The following DENND5A variants were observed in gnomAD, a reference collection of about 807,000 sequenced individuals.
The protein encoded by DENND5A is DENN domain-containing protein 5A.
Under a neutral mutation model 140.3 loss-of-function variants are expected in DENND5A, and 64 were observed. The observed-to-expected ratio is 0.46, with a 90% CI of 0.37 to 0.56. The LOEUF is 0.56. DENND5A is among the 20% of genes least tolerant of loss of function. DENND5A has a pLI of 0.00. For missense variants in DENND5A, 1,292 were observed against 1,593.8 expected (o/e 0.81, Z 3.22); for synonymous variants, 605 against 607.7 (o/e 1.00, Z 0.07).
chr11:9,161,448 A>G (rs935832125), intron 11 of DENND5A, among the ~76,000 whole-genome samples: 2 of 152,212 alleles, frequency 1.3e-5, no homozygotes, highest in Non-Finnish European at 2.9e-5. Context: ...TTTTGCATTT[A>G]TGCAAGAAAC....
chr11:9,229,050 AGTG>A (rs1433118024), intron 1 of DENND5A, among the ~76,000 whole-genome samples: 1 of 152,174 alleles, frequency 6.6e-6, no homozygotes, highest in Non-Finnish European at 1.5e-5. Flanking sequence ...TGGCATCTGA[AGTG>A]GGGACAGTCT....
intron 1 of DENND5A, among the ~76,000 whole-genome samples, chr11:9,243,199 C>A (rs1851320665): frequency 1.3e-5 from 2 of 151,344 alleles, no homozygotes. Flanking sequence ...GCACCACACT[C>A]ATAACTAACT....
At chr11:9,262,151 T>C (rs1177236272) in intron 1 of DENND5A, among the ~76,000 whole-genome samples, 2 of 152,174 alleles carry the variant, frequency 1.3e-5, no homozygotes, top group Non-Finnish European at 2.9e-5. Flanking sequence ...CTTGATGAGA[T>C]TATTTTTATT....
intron 4 of DENND5A, among the ~76,000 whole-genome samples, chr11:9,197,649 C>T (rs912369781): frequency 1.3e-5 from 2 of 151,992 alleles, no homozygotes; most frequent in Non-Finnish European, 2.9e-5. Context: ...GGGCTGAGAT[C>T]GCGCCACTGC....
intron 1 of DENND5A, among the ~76,000 whole-genome samples, chr11:9,214,936 C>T (rs1199361736): frequency 6.6e-6 from 1 of 152,080 alleles, no homozygotes; most frequent in Non-Finnish European, 1.5e-5. Context: ...ATTAGCCAGA[C>T]TGGTCTCGAA....
chr11:9,197,463 A>C (rs1222685066), intron 4 of DENND5A, among the ~76,000 whole-genome samples: 1 of 151,072 alleles, frequency 6.6e-6, no homozygotes, highest in African/African-American at 2.4e-5. Flanking sequence ...TGGGAGGCCA[A>C]GGTGGCCAGT....
At chr11:9,150,304 A>ATAAGTCTGTCTCAG in intron 14 of DENND5A, 95 bp from the exon 15 acceptor site, 1 of 1,446,292 alleles carries the variant, frequency 6.9e-7, no homozygotes, top group Non-Finnish European at 9.5e-7. Context: ...ACCTGCTGAG[A>ATAAGTCTGTCTCAG]CAGACTTATC....
intron 1 of DENND5A, among the ~76,000 whole-genome samples, chr11:9,215,165 T>C (rs1850041159): frequency 6.6e-6 from 1 of 152,228 alleles, no homozygotes; most frequent in Non-Finnish European, 1.5e-5. Flanking sequence ...CTCAATACAT[T>C]TACTTTGTCA....
rs1849620627 is a variant in DENND5A, at chr11:9,204,257, G to A, written c.352C>T (p.His118Tyr). The A allele has an allele frequency of 3.7e-6, 6 of 1,613,980 alleles. No homozygotes were observed. Among genetic ancestry groups the A allele is most frequent in the Non-Finnish European group, 5.1e-6 (6 of 1,180,024 alleles). The change falls in exon 4 of 23, where the codon CAT becomes TAT. Residue 118 changes from histidine to tyrosine, a missense_variant. Transcript: ENST00000328194. ...TQADPREPQF[H>Y]AFIITREDGS... is the part of the protein sequence containing the mutation. Reference sequence around the variant, plus strand: ...TCCTCCCTTGTGATAATAAAGGCATGGAATTGGGGCTCCCTGGGATCAGCC... The same window carrying A: ...TCCTCCCTTGTGATAATAAAGGCATAGAATTGGGGCTCCCTGGGATCAGCC...
Position 9,147,942 on chromosome 11 carries a change from G to A in DENND5A, c.2736-791C>T, listed in dbSNP as rs149511039. ...CAAGCTGCAATCACCATGGCCAGAC[G>A]GGTACAGAATTCAGAACTGTGAGGT... is the stretch of plus-strand genomic sequence containing the variant. On this transcript the variant is annotated intron_variant, in intron 15 of 22. Transcript: ENST00000328194. 2.9e-3 allele frequency among the ~76,000 whole-genome samples: 449 copies of A among 152,316 alleles called. 1 individual carries two copies. Among genetic ancestry groups the A allele is most frequent in the African/African-American group, 0.01 (424 of 41,552 alleles).
intron 15 of DENND5A, among the ~76,000 whole-genome samples, chr11:9,147,356 A>T (rs1033182962): frequency 2.0e-5 from 3 of 152,178 alleles, no homozygotes; most frequent in Middle Eastern, 3.2e-3. Flanking sequence ...GAACAACAAA[A>T]ATCAAATACT....
chr11:9,237,328 G>A (rs894256697), intron 1 of DENND5A, among the ~76,000 whole-genome samples: 7 of 151,802 alleles, frequency 4.6e-5, no homozygotes, highest in African/African-American at 1.4e-4. Context: ...GCTGAGGCAG[G>A]AGAATAGCTC....
chr11:9,244,106 C>T (rs780259439), intron 1 of DENND5A, among the ~76,000 whole-genome samples: 15 of 152,068 alleles, frequency 9.9e-5, no homozygotes, highest in Non-Finnish European at 1.2e-4. Context: ...AATTAGTGCC[C>T]CTAACCCCCA....
At chr11:9,251,989 G>A (rs1486172252) in intron 1 of DENND5A, among the ~76,000 whole-genome samples, 9 of 124,166 alleles carry the variant, frequency 7.2e-5, no homozygotes, top group African/African-American at 9.2e-5. Context: ...ACTCTGTCTC[G>A]CGAAAAAAAA....
intron 4 of DENND5A, among the ~76,000 whole-genome samples, chr11:9,194,138 C>T (rs1360059858): frequency 1.3e-5 from 2 of 152,182 alleles, no homozygotes; most frequent in Non-Finnish European, 2.9e-5. Flanking sequence ...TGAGCTTTGC[C>T]TGCAAAGTCA....
At chr11:9,259,813 G>A (rs1424239685) in intron 1 of DENND5A, among the ~76,000 whole-genome samples, 3 of 152,040 alleles carry the variant, frequency 2.0e-5, no homozygotes, top group Non-Finnish European at 4.4e-5. Flanking sequence ...TGGGTCACCT[G>A]AGGTAAGGAG....
rs73416046 is a variant in DENND5A, at chr11:9,140,121, C to T, written c.3681-267G>A. On this transcript the variant is annotated intron_variant, in intron 22 of 22. Transcript: ENST00000328194. The stretch of plus-strand genomic sequence containing the variant: ...CCTCGCCCTGCCTAGTCAGCCCCAC[C>T]ACTGGTGTCTCCCAGAGCTTCTCTC... 6.3e-3 allele frequency: 9,015 copies of T among 1,430,524 alleles called. 394 individuals are homozygous for T. The African/African-American group carries it at 0.1, about 16-fold the overall frequency. The allele number at this position is 1,430,524 out of a possible 1,614,324, so 88.6% of individuals were successfully genotyped here. A position where few individuals can be genotyped will look rare whatever the true frequency, so the allele number is the denominator to read the frequency against.
intron 10 of DENND5A, among the ~76,000 whole-genome samples, chr11:9,168,770 C>T (rs1415567201): frequency 6.6e-6 from 1 of 152,140 alleles, no homozygotes; most frequent in East Asian, 1.9e-4. Context: ...CACTGAGCTG[C>T]CAGACACATG....
At chr11:9,208,887 T>C (rs1307466792) in intron 1 of DENND5A, among the ~76,000 whole-genome samples, 1 of 152,220 alleles carries the variant, frequency 6.6e-6, no homozygotes, top group Non-Finnish European at 1.5e-5. Flanking sequence ...CTACAGCTTA[T>C]GTAGAGCTAG....
Sources: gnomAD v4.1 joint callset for allele counts (sites outside exome capture counted in the v4.1 genomes callset) on GRCh38, gnomAD v4.1.1 for gene constraint, MANE v1.5 for transcripts, NCBI Gene and HGNC (gene_info 2026-07-23, HGNC 2026-07-21) for gene names.